The following ASMT variants were observed in gnomAD, a reference collection of about 807,000 sequenced individuals.
ASMT encodes acetylserotonin O-methyltransferase, also known as acetylserotonin N-methyltransferase.
A neutral mutation model predicts 41.3 loss-of-function variants in ASMT; 53 were observed. That is an observed-to-expected ratio of 1.28 (90% CI 1.03 to 1.61). ASMT has a LOEUF of 1.61. Among genes scored for constraint, ASMT ranks in the 40% most tolerant of loss-of-function variants. ASMT has a pLI of 0.00. For missense variants in ASMT, 531 were observed against 441.3 expected (o/e 1.20, Z -1.82); for synonymous variants, 231 against 184.8 (o/e 1.25, Z -2.03).
chrX:1,627,669 GAAATGA>G (rs1569376075), intron 3 of ASMT, 28 bp from the exon 4 acceptor site: 2 of 1,233,446 alleles, frequency 1.6e-6, no homozygotes, highest in South Asian at 2.5e-5. Flanking sequence ...GAAATGAAAT[GAAATGA>G]AAATCAGCCT....
At chrX:1,632,387 C>G (rs1470589763) in intron 5 of ASMT, among the ~76,000 whole-genome samples, 7 of 152,098 alleles carry the variant, frequency 4.6e-5, no homozygotes, top group African/African-American at 1.7e-4. Flanking sequence ...CGCGGTGGCT[C>G]ACGCCTGTCA....
At chrX:1,634,841 A>C (rs1468587950) in intron 7 of ASMT, among the ~76,000 whole-genome samples, 1 of 151,536 alleles carries the variant, frequency 6.6e-6, no homozygotes, top group African/African-American at 2.4e-5. Flanking sequence ...AATTTTTTGT[A>C]TTTTTAGTAG....
intron 5 of ASMT, among the ~76,000 whole-genome samples, chrX:1,631,909 C>G (rs775775539): frequency 6.6e-6 from 1 of 152,042 alleles, no homozygotes; most frequent in Non-Finnish European, 1.5e-5. Flanking sequence ...CTTAGCCAGG[C>G]ATGACAGTAG....
chrX:1,624,172 T>G, intron 2 of ASMT, 97 bp from the exon 3 acceptor site: 1 of 1,482,096 alleles, frequency 6.7e-7, no homozygotes, highest in East Asian at 2.3e-5. Context: ...GGGCTTGTAA[T>G]CATGTTGAAA....
At chrX:1,636,669 A>C (rs774065117) in intron 8 of ASMT, 109 bp downstream of exon 8, 3 of 1,533,842 alleles carry the variant, frequency 2.0e-6, no homozygotes, top group Non-Finnish European at 1.8e-6. Context: ...AAGGGTAGAC[A>C]TCCTGCCCAA....
At chrX:1,620,166 C>A (rs1412068164) in intron 1 of ASMT, among the ~76,000 whole-genome samples, 2 of 95,372 alleles carry the variant, frequency 2.1e-5, no homozygotes, top group South Asian at 1.1e-3. Context: ...ATTAATATAG[C>A]TTTTTTTTTT....
At chrX:1,626,607 G>C (rs1465621772) in intron 3 of ASMT, among the ~76,000 whole-genome samples, 4 of 152,090 alleles carry the variant, frequency 2.6e-5, no homozygotes, top group Non-Finnish European at 5.9e-5. Context: ...GTAATATAGG[G>C]TTAAATAAAA....
At chrX:1,626,943 C>T (rs757668820) in intron 3 of ASMT, among the ~76,000 whole-genome samples, 8 of 150,338 alleles carry the variant, frequency 5.3e-5, no homozygotes, top group Admixed American at 6.7e-5. Flanking sequence ...GCAGGAGAAT[C>T]GCTTGAACCG....
intron 3 of ASMT, among the ~76,000 whole-genome samples, chrX:1,625,780 C>A (rs1234531165): frequency 6.6e-6 from 1 of 151,338 alleles, no homozygotes; most frequent in Non-Finnish European, 1.5e-5. Context: ...CGGTGAAACC[C>A]CGTCTCTATT....
At chrX:1,633,115 T>A in intron 6 of ASMT, 35 bp from the exon 7 acceptor site, 1 of 1,613,708 alleles carries the variant, frequency 6.2e-7, no homozygotes, top group Non-Finnish European at 8.5e-7. Context: ...CTCAGGTTCA[T>A]CTCTGAGGGT....
rs36011956 is a variant in ASMT at position 1,630,300 on chromosome X, A to ATTTT, written c.562+381_562+384dup. Among the ~76,000 whole-genome samples, 182 of 71,084 alleles carry ATTTT rather than the reference A, an allele frequency of 2.6e-3. 18 individuals are homozygous for ATTTT. Among genetic ancestry groups the ATTTT allele is most frequent in the East Asian group, 0.011 (24 of 2,192 alleles). The allele number at this position is 71,084 out of a possible 152,430, so 46.6% of individuals were successfully genotyped here. A position where few individuals can be genotyped will look rare whatever the true frequency, so the allele number is the denominator to read the frequency against. ...AGGCACCTGCCACCACACCAGGCTA[A>ATTTT]TTTTTTTTTTTTTTTTTTTTTTTGA... On this transcript the variant is annotated intron_variant, in intron 5 of 8. Transcript: ENST00000381241.
At chrX:1,625,770 C>T (rs192568722) in intron 3 of ASMT, among the ~76,000 whole-genome samples, 34 of 151,138 alleles carry the variant, frequency 2.2e-4, no homozygotes, top group South Asian at 6.3e-4. Context: ...CTGGCTAACA[C>T]GGTGAAACCC....
chrX:1,623,370 C>A, intron 2 of ASMT, 57 bp downstream of exon 2: 6 of 1,597,182 alleles, frequency 3.8e-6, no homozygotes, highest in Admixed American at 3.4e-5. Flanking sequence ...CTGCAGCCCA[C>A]GTGTTCTGTA....
intron 1 of ASMT, among the ~76,000 whole-genome samples, chrX:1,618,657 G>A (rs1446076279): frequency 6.6e-6 from 1 of 151,986 alleles, no homozygotes; most frequent in Admixed American, 6.6e-5. Context: ...GGCTGGTCTC[G>A]AACTCCTGAC....
At chrX:1,632,368 T>TA (rs1934807059) in intron 5 of ASMT, among the ~76,000 whole-genome samples, 1 of 151,730 alleles carries the variant, frequency 6.6e-6, no homozygotes, top group Non-Finnish European at 1.5e-5. Flanking sequence ...AAGGATGAGT[T>TA]CGGCCGGGCG....
In ASMT at chrX:1,633,212, T is replaced by C. The variant is rs745630529; in HGVS notation, c.709T>C (p.Phe237Leu). The change falls in exon 7 of 9, where the codon TTT (phenylalanine) becomes CTT (leucine). Residue 237 changes from phenylalanine to leucine, a missense_variant. Physicochemically the swap from Phe to Leu is conservative, Grantham distance 22 (BLOSUM62 0). Coordinates refer to ENST00000381241, the MANE Select transcript of ASMT (RefSeq NM_001171038.2). ...GTACCCTGGATGTAAGATCACCGTTTTTGACATCCCAGAAGTGGTGTGGAC... is the reference window on the plus strand; with the variant it reads ...GTACCCTGGATGTAAGATCACCGTTCTTGACATCCCAGAAGTGGTGTGGAC... ...SLYPGCKITV[F>L]DIPEVVWTAK... 4.3e-6 allele frequency: 7 copies of C among 1,613,786 alleles called. No homozygotes were observed. In the African/African-American group the frequency reaches 8.0e-5, roughly 18 times the overall value.
At chrX:1,615,757 G>A (rs191490685) in intron 1 of ASMT, among the ~76,000 whole-genome samples, 3,552 of 151,390 alleles carry the variant, frequency 0.023, 41 homozygotes, top group African/African-American at 0.063. Flanking sequence ...AGCCGAGATC[G>A]CACCACTGCA....
chrX:1,619,591 A>ATAAAAAGT (rs1569370450), intron 1 of ASMT, among the ~76,000 whole-genome samples: 3 of 147,190 alleles, frequency 2.0e-5, no homozygotes, highest in African/African-American at 7.4e-5. Context: ...TAATAATAAA[A>ATAAAAAGT]AGTCTTTGGG....
intron 2 of ASMT, 39 bp downstream of exon 2, chrX:1,623,352 G>C (rs767833923): frequency 6.2e-7 from 1 of 1,611,458 alleles, no homozygotes; most frequent in Non-Finnish European, 8.5e-7. Flanking sequence ...ATTTTACATA[G>C]ACACCCTCTG....
Sources: allele counts gnomAD v4.1 joint callset (sites outside exome capture counted in the v4.1 genomes callset), GRCh38; gene constraint gnomAD v4.1.1; transcripts MANE v1.5; gene names NCBI Gene and HGNC (gene_info 2026-07-23, HGNC 2026-07-21).